LINGO2: variants seen among roughly 807,000 people sequenced by gnomAD.
LINGO2 encodes leucine-rich repeat and immunoglobulin-like domain-containing nogo receptor-interacting protein 2.
A neutral mutation model predicts 30.6 loss-of-function variants in LINGO2; 14 were observed. The observed-to-expected ratio is 0.46, with a 90% CI of 0.30 to 0.72. The LOEUF (loss-of-function observed/expected upper bound fraction) is 0.72. LINGO2 is among the 30% of genes least tolerant of loss of function. The pLI, the probability that LINGO2 is intolerant of heterozygous loss-of-function variation, is 0.07. For synonymous variants in LINGO2, 317 were observed against 288.5 expected (o/e 1.10, Z -1.00); for missense variants, 729 against 751.7 (o/e 0.97, Z 0.35).
chr9:28,208,024 T>C (rs1820468333), intron 4 of LINGO2, among the ~76,000 whole-genome samples: 1 of 152,132 alleles, frequency 6.6e-6, no homozygotes, highest in Non-Finnish European at 1.5e-5. Context: ...CTAATTTCCA[T>C]GCCCATCTTA....
At chr9:28,843,930 T>C in the LINGO2 span, among the ~76,000 whole-genome samples, 2 of 152,008 alleles carry the variant, frequency 1.3e-5, no homozygotes, top group East Asian at 3.9e-4. Flanking sequence ...TGAGTCTTTA[T>C]CTCCTGCTCT....
intron 3 of LINGO2, among the ~76,000 whole-genome samples, chr9:28,309,452 G>T (rs975917556): frequency 1.3e-5 from 2 of 150,212 alleles, no homozygotes; most frequent in Non-Finnish European, 3.0e-5. Context: ...GGAGGGGGGA[G>T]GGATAGCATT....
intron 4 of LINGO2, among the ~76,000 whole-genome samples, chr9:28,096,371 A>G (rs1244252094): frequency 1.3e-5 from 2 of 152,168 alleles, no homozygotes; most frequent in Non-Finnish European, 2.9e-5. Flanking sequence ...CTCCTTATTC[A>G]TTTTAATTTA....
chr9:29,210,010 A>T, the LINGO2 span, among the ~76,000 whole-genome samples: 1 of 152,150 alleles, frequency 6.6e-6, no homozygotes, highest in African/African-American at 2.4e-5. Context: ...TAGAGACCAA[A>T]CGAAATCAAC....
exon 6 of LINGO2, chr9:27,949,433 A>T: frequency 6.2e-7 from 1 of 1,613,996 alleles, no homozygotes; most frequent in South Asian, 1.1e-5. Context: ...ACTTCTTTTC[A>T]CGGATTTTGG....
chr9:28,825,717 T>C, the LINGO2 span, among the ~76,000 whole-genome samples: 1 of 152,154 alleles, frequency 6.6e-6, no homozygotes, highest in Non-Finnish European at 1.5e-5. Flanking sequence ...CTATCTACTT[T>C]ACTTATAGCC....
rs555915044 is a variant in LINGO2, at chr9:28,486,931, A to G, written c.-364-10906T>C. On this transcript the variant is annotated intron_variant, in intron 1 of 5. Transcript: ENST00000379992. ...GTACTGAGTTATTTGACACAAAGAG[A>G]AAAAACATTTAAGAGGCTGAGTGCC... is the stretch of plus-strand genomic sequence containing the variant. Among the ~76,000 whole-genome samples the G allele has an allele frequency of 1.4e-4, 22 of 152,194 alleles. 1 individual carries two copies. Among genetic ancestry groups the G allele is most frequent in the Admixed American group, 1.4e-3 (21 of 15,268 alleles).
chr9:28,719,975 A>T, the LINGO2 span, among the ~76,000 whole-genome samples: 14 of 152,168 alleles, frequency 9.2e-5, no homozygotes, highest in Non-Finnish European at 2.1e-4. Flanking sequence ...GTGTTTCAAC[A>T]TCATCAGAAC....
chr9:28,162,094 A>T (rs1459798932), intron 4 of LINGO2, among the ~76,000 whole-genome samples: 5 of 152,122 alleles, frequency 3.3e-5, no homozygotes, highest in Non-Finnish European at 5.9e-5. Flanking sequence ...AATTTCCATG[A>T]TATATCCATA....
chr9:28,989,932 A>C, the LINGO2 span, among the ~76,000 whole-genome samples: 16 of 152,300 alleles, frequency 1.1e-4, no homozygotes, highest in South Asian at 1.0e-3. Context: ...CAGAATAGGA[A>C]CAGCTCCGGT....
At chr9:28,058,875 T>C (rs1159439435) in intron 4 of LINGO2, among the ~76,000 whole-genome samples, 1 of 152,152 alleles carries the variant, frequency 6.6e-6, no homozygotes, top group Admixed American at 6.5e-5. Flanking sequence ...TGTTAAAACT[T>C]TGCATTTTTC....
At position 28,129,871 on chromosome 9, in the gene LINGO2, T is replaced by C. The variant is rs1208410784; in HGVS notation, c.-86-117466A>G. ...CACTTGGAAAATAAAGAAACATGCATAGAAAAAATATGTTGTTCTTTTTAT... is the reference window on the plus strand; with the variant it reads ...CACTTGGAAAATAAAGAAACATGCACAGAAAAAATATGTTGTTCTTTTTAT... On this transcript the variant is annotated intron_variant, in intron 4 of 5. Coordinates refer to ENST00000379992, the Ensembl canonical transcript of LINGO2. This position sits in a 1 kb window ranked among gnomAD's most constrained non-coding sequence, Gnocchi z 4.0. Among the ~76,000 whole-genome samples, 1 of 152,200 alleles carries C rather than the reference T, an allele frequency of 6.6e-6. No individual in the cohort carries two copies. The highest frequency in any genetic ancestry group is 1.5e-5 in the Non-Finnish European group (1 of 68,028).
chr9:28,267,516 C>T (rs577296861), intron 4 of LINGO2, among the ~76,000 whole-genome samples: 23 of 152,080 alleles, frequency 1.5e-4, no homozygotes, highest in Admixed American at 6.6e-4. Flanking sequence ...TTCATATTCA[C>T]TTTCCACCTC....
intron 3 of LINGO2, among the ~76,000 whole-genome samples, chr9:28,303,730 T>C (rs893587484): frequency 6.6e-6 from 1 of 152,094 alleles, no homozygotes; most frequent in African/African-American, 2.4e-5. Flanking sequence ...TAAATACCTT[T>C]ATGGGTTATC....
At chr9:29,159,503 T>G in the LINGO2 span, among the ~76,000 whole-genome samples, 2 of 152,184 alleles carry the variant, frequency 1.3e-5, no homozygotes, top group Non-Finnish European at 2.9e-5. Flanking sequence ...TAACTTATCA[T>G]GAAACTTTCA....
chr9:28,662,746 A>G (rs1327074571), intron 1 of LINGO2, among the ~76,000 whole-genome samples: 2 of 152,180 alleles, frequency 1.3e-5, no homozygotes, highest in Non-Finnish European at 2.9e-5. Context: ...AGTACTTAAA[A>G]TAGTGCCCGG....
intron 4 of LINGO2, among the ~76,000 whole-genome samples, chr9:28,024,593 C>T (rs1235463468): frequency 2.6e-5 from 4 of 152,168 alleles, no homozygotes; most frequent in Non-Finnish European, 5.9e-5. Flanking sequence ...AGGCCAAAGC[C>T]TCCTTTTGTA....
chr9:28,128,625 G>A (rs930540341), intron 4 of LINGO2, among the ~76,000 whole-genome samples: 1 of 152,124 alleles, frequency 6.6e-6, no homozygotes, highest in African/African-American at 2.4e-5. Flanking sequence ...CTCCCTCAAT[G>A]CAGTGCTGCT....
the LINGO2 span, among the ~76,000 whole-genome samples, chr9:28,767,785 CAAAAAAAAAAAA>C: frequency 3.1e-5 from 3 of 97,104 alleles, no homozygotes; most frequent in African/African-American, 1.1e-4. Context: ...GACTCCATTT[CAAAAAAAAAAAA>C]AAAAAAAAAA....
Sources: allele counts gnomAD v4.1 joint callset (sites outside exome capture counted in the v4.1 genomes callset), GRCh38; gene constraint gnomAD v4.1.1; non-coding constraint Gnocchi (gnomAD v3.1); transcripts MANE v1.5; gene names NCBI Gene and HGNC (gene_info 2026-07-23, HGNC 2026-07-21).